AGBL4: variants seen among roughly 807,000 people sequenced by gnomAD.
The protein encoded by AGBL4 is AGBL carboxypeptidase 4, also known as cytosolic carboxypeptidase 6.
AGBL4 carries 58 observed loss-of-function variants against 66.4 expected under a neutral mutation model. The observed-to-expected ratio is 0.87, with a 90% CI of 0.71 to 1.09. The LOEUF (loss-of-function observed/expected upper bound fraction) is 1.09. Ranked by LOEUF, AGBL4 falls within the 50% of genes least tolerant of loss-of-function variation. The pLI is 0.00. For missense variants in AGBL4, 579 were observed against 631.0 expected (o/e 0.92, Z 0.88); for synonymous variants, 234 against 222.9 (o/e 1.05, Z -0.44).
rs113069246 is a variant in AGBL4, at chr1:48,991,114, T to C, written c.594+54470A>G. ...TTGTTTATTAACATCATTTTCTTTCTAAATAAAGAACTCCCTTTAACATTT... is the reference window on the plus strand; with the variant it reads ...TTGTTTATTAACATCATTTTCTTTCCAAATAAAGAACTCCCTTTAACATTT... On this transcript the variant is annotated intron_variant, in intron 5 of 13. Coordinates refer to ENST00000371839, the MANE Select transcript of AGBL4 (RefSeq NM_032785.4). 6.3e-3 allele frequency among the ~76,000 whole-genome samples: 964 copies of C among 152,336 alleles called. 20 individuals carry two copies. Among genetic ancestry groups the C allele is most frequent in the African/African-American group, 0.021 (887 of 41,582 alleles).
At chr1:48,846,177 T>A (rs969709906) in intron 6 of AGBL4, among the ~76,000 whole-genome samples, 4 of 152,092 alleles carry the variant, frequency 2.6e-5, no homozygotes, top group Non-Finnish European at 4.4e-5. Flanking sequence ...ATTTCTTGAT[T>A]GTCCCACCCA....
chr1:49,708,348 T>C (rs1647369867), intron 2 of AGBL4, among the ~76,000 whole-genome samples: 1 of 151,970 alleles, frequency 6.6e-6, no homozygotes, highest in South Asian at 2.1e-4. Context: ...TCAATTTGGC[T>C]ATTGATATTT....
At chr1:48,915,425 C>G (rs1240313583) in intron 5 of AGBL4, among the ~76,000 whole-genome samples, 2 of 152,294 alleles carry the variant, frequency 1.3e-5, no homozygotes, top group Non-Finnish European at 2.9e-5. Context: ...GGAACATTGT[C>G]CCCACTCCTG....
At chr1:49,555,686 GAA>G (rs1338030275) in intron 3 of AGBL4, among the ~76,000 whole-genome samples, 1 of 140,962 alleles carries the variant, frequency 7.1e-6, no homozygotes, top group Non-Finnish European at 1.6e-5. Context: ...AAATTTACAA[GAA>G]AAAAAAAAAC....
chr1:48,716,634 C>T (rs1435591474), intron 6 of AGBL4, among the ~76,000 whole-genome samples: 2 of 152,122 alleles, frequency 1.3e-5, no homozygotes, highest in African/African-American at 4.8e-5. Flanking sequence ...TTTGTAAGTA[C>T]CTGAGCAATC....
intron 6 of AGBL4, among the ~76,000 whole-genome samples, chr1:48,734,919 G>A (rs1353310316): frequency 6.6e-6 from 1 of 152,186 alleles, no homozygotes; most frequent in African/African-American, 2.4e-5. Flanking sequence ...TGGCAGACCT[G>A]GACACTAGTC....
At chr1:49,682,763 G>T (rs1170931672) in intron 3 of AGBL4, among the ~76,000 whole-genome samples, 4 of 152,104 alleles carry the variant, frequency 2.6e-5, no homozygotes, top group Non-Finnish European at 5.9e-5. Flanking sequence ...ATTTAACAAG[G>T]GTTTCTGCAT....
intron 3 of AGBL4, among the ~76,000 whole-genome samples, chr1:49,561,216 T>G (rs1015895816): frequency 6.6e-6 from 1 of 151,948 alleles, no homozygotes; most frequent in Admixed American, 6.6e-5. Flanking sequence ...GGTAAACCAA[T>G]TTAGGGTGTA....
chr1:49,772,362 C>T (rs1441795498), intron 2 of AGBL4, among the ~76,000 whole-genome samples: 1 of 152,034 alleles, frequency 6.6e-6, no homozygotes, highest in Non-Finnish European at 1.5e-5. Flanking sequence ...ATGTTTTTGA[C>T]CTTTGTAGCT....
At chr1:49,661,427 G>A (rs562227347) in intron 3 of AGBL4, among the ~76,000 whole-genome samples, 27 of 152,160 alleles carry the variant, frequency 1.8e-4, no homozygotes, top group African/African-American at 6.3e-4. Flanking sequence ...GGTAATGAGT[G>A]AGATCTCACT....
intron 4 of AGBL4, among the ~76,000 whole-genome samples, chr1:49,145,595 A>G (rs1381145112): frequency 6.6e-6 from 1 of 152,200 alleles, no homozygotes; most frequent in African/African-American, 2.4e-5. Context: ...GTCTCAGGTA[A>G]CAAAGCTATA....
intron 4 of AGBL4, among the ~76,000 whole-genome samples, chr1:49,235,444 T>C (rs965794398): frequency 1.3e-5 from 2 of 152,186 alleles, no homozygotes; most frequent in African/African-American, 4.8e-5. Flanking sequence ...TTCATCCCCT[T>C]TTCTTGGAGT....
intron 10 of AGBL4, among the ~76,000 whole-genome samples, chr1:48,589,365 CACT>C (rs1644877996): frequency 6.6e-6 from 1 of 152,190 alleles, no homozygotes; most frequent in African/African-American, 2.4e-5. Flanking sequence ...TCATCATCTC[CACT>C]AATGTCCTGG....
intron 3 of AGBL4, among the ~76,000 whole-genome samples, chr1:49,598,819 G>A (rs770211150): frequency 2.6e-5 from 4 of 152,166 alleles, no homozygotes; most frequent in Non-Finnish European, 2.9e-5. Flanking sequence ...AAGGGGTGTT[G>A]AATTTTGTCG....
chr1:49,223,883 A>G (rs1328301978), intron 4 of AGBL4, among the ~76,000 whole-genome samples: 2 of 152,204 alleles, frequency 1.3e-5, no homozygotes, highest in African/African-American at 2.4e-5. Context: ...TGACAGTAAC[A>G]TGTTGTGCTA....
intron 2 of AGBL4, chr1:49,845,677 T>G: frequency 6.2e-7 from 1 of 1,604,688 alleles, no homozygotes; most frequent in South Asian, 1.1e-5. Flanking sequence ...GTGCAGTGAG[T>G]CTGGGAAAGC....
intron 3 of AGBL4, among the ~76,000 whole-genome samples, chr1:49,510,504 T>G (rs1221940730): frequency 6.6e-6 from 1 of 150,778 alleles, no homozygotes; most frequent in African/African-American, 2.4e-5. Context: ...GATGAGTAGG[T>G]TGCAAAAATT....
intron 3 of AGBL4, among the ~76,000 whole-genome samples, chr1:49,288,244 T>G (rs1644461821): frequency 7.0e-6 from 1 of 143,282 alleles, no homozygotes; most frequent in East Asian, 2.2e-4. Context: ...GGGATAGCAT[T>G]GGGAGATATA....
At chr1:49,038,980 G>A (rs2149046520) in intron 5 of AGBL4, among the ~76,000 whole-genome samples, 1 of 152,166 alleles carries the variant, frequency 6.6e-6, no homozygotes, top group East Asian at 1.9e-4. Context: ...TAAGTAAACT[G>A]TATTATATCC....
Sources: gnomAD v4.1 joint callset for allele counts (sites outside exome capture counted in the v4.1 genomes callset) on GRCh38, gnomAD v4.1.1 for gene constraint, MANE v1.5 for transcripts, NCBI Gene and HGNC (gene_info 2026-07-23, HGNC 2026-07-21) for gene names.